Variants in ADGRL3 observed in about 807,000 individuals in gnomAD.
ADGRL3 encodes adhesion G protein-coupled receptor L3, also known as calcium-independent alpha-latrotoxin receptor 3.
In ADGRL3, 62 loss-of-function variants were observed where a neutral mutation model predicts 153.5. That is an observed-to-expected ratio of 0.40 (90% CI 0.33 to 0.50). The LOEUF (loss-of-function observed/expected upper bound fraction) is 0.50, where lower values mean the gene tolerates loss of function less well. Ranked by LOEUF, ADGRL3 falls within the 20% of genes least tolerant of loss-of-function variation. ADGRL3 has a pLI of 0.47. For missense variants in ADGRL3, 1,641 were observed against 1,859.4 expected, an observed-to-expected ratio of 0.88 and a Z score of 2.16; for synonymous variants, 710 against 672.5, an observed-to-expected ratio of 1.06 and a Z score of -0.86.
intron 1 of ADGRL3, among the ~76,000 whole-genome samples, chr4:61,277,879 G>A (rs1437559726): frequency 1.3e-5 from 2 of 152,122 alleles, no homozygotes; most frequent in East Asian, 3.9e-4. Context: ...AATATTAGGA[G>A]TGGCCACTTA....
At chr4:61,353,724 G>T (rs1171904744) in intron 1 of ADGRL3, among the ~76,000 whole-genome samples, 1 of 150,340 alleles carries the variant, frequency 6.7e-6, no homozygotes, top group Non-Finnish European at 1.5e-5. Context: ...TACAGGCATG[G>T]GTCACTGTAC....
chr4:61,525,786 C>G (rs1366077473), intron 4 of ADGRL3, among the ~76,000 whole-genome samples: 1 of 151,954 alleles, frequency 6.6e-6, no homozygotes. Flanking sequence ...TGGGTGGTAC[C>G]ATTCACAAAA....
intron 8 of ADGRL3, among the ~76,000 whole-genome samples, chr4:61,760,588 C>G (rs2343576): frequency 0.45 from 67,810 of 152,084 alleles, 15,483 homozygotes; most frequent in East Asian, 0.64. Flanking sequence ...AGGGAATTCC[C>G]TGACCCTTGC....
At chr4:61,990,108 ATTAT>A (rs1363373744) in intron 19 of ADGRL3, among the ~76,000 whole-genome samples, 2 of 152,102 alleles carry the variant, frequency 1.3e-5, no homozygotes, top group Non-Finnish European at 2.9e-5. Context: ...TTATAGCAGC[ATTAT>A]TTATGTTAGC....
intron 1 of ADGRL3, among the ~76,000 whole-genome samples, chr4:61,369,427 T>G (rs982779511): frequency 2.0e-5 from 3 of 151,948 alleles, no homozygotes; most frequent in Non-Finnish European, 2.9e-5. Context: ...TTATTGAGAG[T>G]TTTTAGCATG....
chr4:61,968,659 C>G (rs532879687), intron 17 of ADGRL3, among the ~76,000 whole-genome samples: 18 of 152,194 alleles, frequency 1.2e-4, no homozygotes, highest in African/African-American at 4.1e-4. Flanking sequence ...TCTGGGGAAA[C>G]TGAAAAGTGA....
At chr4:61,538,072 T>C (rs938657814) in intron 4 of ADGRL3, among the ~76,000 whole-genome samples, 1 of 152,176 alleles carries the variant, frequency 6.6e-6, no homozygotes, top group Non-Finnish European at 1.5e-5. Context: ...TTTACATGGA[T>C]TCCTTCTCAT....
chr4:61,720,173 T>G (rs919992106), intron 6 of ADGRL3, among the ~76,000 whole-genome samples: 6 of 149,694 alleles, frequency 4.0e-5, no homozygotes, highest in Admixed American at 2.0e-4. Context: ...CACTGCAAGC[T>G]CCGCCTCCCA....
chr4:61,739,797 C>T (rs1054056673), intron 8 of ADGRL3, among the ~76,000 whole-genome samples: 8 of 151,962 alleles, frequency 5.3e-5, no homozygotes, highest in Non-Finnish European at 8.8e-5. Flanking sequence ...GGCAGTTTAG[C>T]GTGTGATAAA....
intron 13 of ADGRL3, among the ~76,000 whole-genome samples, chr4:61,933,194 C>A (rs2098824839): frequency 6.6e-6 from 1 of 152,096 alleles, no homozygotes; most frequent in Non-Finnish European, 1.5e-5. Context: ...ACAGTATCAT[C>A]TAATCCCTGA....
intron 11 of ADGRL3, among the ~76,000 whole-genome samples, chr4:61,900,100 C>T (rs2098655810): frequency 6.6e-6 from 1 of 152,034 alleles, no homozygotes; most frequent in Admixed American, 6.6e-5. Context: ...TTATGGTGGA[C>T]ATATCATTAA....
intron 4 of ADGRL3, chr4:61,579,630 T>A (rs569305372): frequency 3.9e-6 from 2 of 512,108 alleles, no homozygotes; most frequent in East Asian, 5.6e-5. Flanking sequence ...GTCAAAAGAA[T>A]AGCTGCTTAA....
At chr4:61,823,472 C>A (rs563377239) in intron 9 of ADGRL3, among the ~76,000 whole-genome samples, 264 of 152,194 alleles carry the variant, frequency 1.7e-3, no homozygotes, top group African/African-American at 6.0e-3. Context: ...ATAGATATCA[C>A]CTTTTTGAGT....
Position 61,706,476 on chromosome 4 carries a change from G to A in ADGRL3, c.584-24146G>A, listed in dbSNP as rs562175837. On this transcript the variant is annotated intron_variant, in intron 6 of 26. Coordinates refer to ENST00000683033, the MANE Select transcript of ADGRL3 (RefSeq NM_001387552.1). ...ATCTACATTGATAATCTGTTGTTTA[G>A]TTTAGCTACCTTCATCAATTATCTT... 2.7e-5 allele frequency among the ~76,000 whole-genome samples: 4 copies of A among 149,548 alleles called. No homozygotes were observed. The South Asian group carries it at 8.4e-4, about 31-fold the overall frequency.
chr4:61,602,617 C>T (rs1423496620), intron 5 of ADGRL3, among the ~76,000 whole-genome samples: 1 of 152,114 alleles, frequency 6.6e-6, no homozygotes. Flanking sequence ...TAGTTTCAAT[C>T]CCATGTGAAG....
rs376229927 is a variant in ADGRL3 at position 61,853,414 on chromosome 4, C to T, written c.1481-39242C>T. ...TGAAATATTACTCAGATTGTCCCTTCGCAAACCATCAGTAAGCTTTCACAG... is the reference window on the plus strand; with the variant it reads ...TGAAATATTACTCAGATTGTCCCTTTGCAAACCATCAGTAAGCTTTCACAG... On this transcript the variant is annotated intron_variant, in intron 9 of 26. Coordinates refer to ENST00000683033, the MANE Select transcript of ADGRL3 (RefSeq NM_001387552.1). Among the ~76,000 whole-genome samples, 77 of 152,280 alleles carry T rather than the reference C, an allele frequency of 5.1e-4. 1 individual carries two copies. The highest frequency in any genetic ancestry group is 1.8e-3 in the African/African-American group (73 of 41,558).
chr4:61,569,152 A>T (rs1052433482), intron 4 of ADGRL3, among the ~76,000 whole-genome samples: 16 of 152,166 alleles, frequency 1.1e-4, no homozygotes, highest in Non-Finnish European at 2.9e-5. Context: ...TGCTTAAAAG[A>T]CTTTCAGAAA....
At chr4:61,704,143 T>C (rs944749746) in intron 6 of ADGRL3, among the ~76,000 whole-genome samples, 2 of 152,190 alleles carry the variant, frequency 1.3e-5, no homozygotes, top group African/African-American at 4.8e-5. Context: ...AGTTCATGTA[T>C]AGGCAGACTT....
chr4:61,627,246 A>C (rs1267581279), intron 5 of ADGRL3, among the ~76,000 whole-genome samples: 3 of 151,794 alleles, frequency 2.0e-5, no homozygotes, highest in African/African-American at 4.8e-5. Context: ...TAGCTTGTGC[A>C]AAAAAAATAA....
Sources: allele counts gnomAD v4.1 joint callset (sites outside exome capture counted in the v4.1 genomes callset), GRCh38; gene constraint gnomAD v4.1.1; transcripts MANE v1.5; gene names NCBI Gene and HGNC (gene_info 2026-07-23, HGNC 2026-07-21).